CCDC191: variants seen among roughly 807,000 people sequenced by gnomAD.
The protein encoded by CCDC191 is coiled-coil domain containing 191, also known as coiled-coil domain-containing protein 191.
Under a neutral mutation model 114.0 loss-of-function variants are expected in CCDC191, and 99 were observed. That is an observed-to-expected ratio of 0.87 (90% CI 0.74 to 1.03). CCDC191 has a LOEUF of 1.03. Ranked by LOEUF, CCDC191 falls within the 50% of genes least tolerant of loss-of-function variation. The pLI is 0.00. For missense variants in CCDC191, 973 were observed against 1,087.0 expected (o/e 0.90, Z 1.47); for synonymous variants, 351 against 376.0 (o/e 0.93, Z 0.77).
intron 16 of CCDC191, among the ~76,000 whole-genome samples, chr3:113,967,218 C>CCA (rs1312704400): frequency 6.6e-6 from 1 of 152,194 alleles, no homozygotes; most frequent in Non-Finnish European, 1.5e-5. Flanking sequence ...GGGCACACTC[C>CCA]CAGTCCTTGA....
intron 3 of CCDC191, 126 bp downstream of exon 3, chr3:114,046,465 C>T: frequency 1.4e-6 from 1 of 690,472 alleles, no homozygotes. Context: ...AAAATAGTTT[C>T]AGGGGAGTAG....
At chr3:114,031,253 C>T (rs1348354604) in intron 7 of CCDC191, among the ~76,000 whole-genome samples, 1 of 152,168 alleles carries the variant, frequency 6.6e-6, no homozygotes, top group East Asian at 1.9e-4. Context: ...ATCCAGAACA[C>T]AATGGTCCTT....
At chr3:114,037,931 C>T (rs1224109522) in intron 4 of CCDC191, among the ~76,000 whole-genome samples, 1 of 152,146 alleles carries the variant, frequency 6.6e-6, no homozygotes, top group East Asian at 1.9e-4. Context: ...AAATGCAGAA[C>T]CCACAAAACA....
intron 13 of CCDC191, among the ~76,000 whole-genome samples, chr3:113,983,650 C>T (rs371524169): frequency 2.4e-4 from 36 of 152,184 alleles, no homozygotes; most frequent in African/African-American, 6.5e-4. Flanking sequence ...AGCTTTCAGA[C>T]GGCAGGGCTG....
At chr3:114,009,412 A>T (rs1398935704) in intron 9 of CCDC191, among the ~76,000 whole-genome samples, 1 of 152,134 alleles carries the variant, frequency 6.6e-6, no homozygotes, top group Non-Finnish European at 1.5e-5. Context: ...TTATTCCATA[A>T]GCTTTTTTTT....
At chr3:113,970,717 G>A (rs537001737) in intron 16 of CCDC191, among the ~76,000 whole-genome samples, 51 of 147,616 alleles carry the variant, frequency 3.5e-4, no homozygotes, top group South Asian at 2.2e-4. Context: ...ATCCCTCCCC[G>A]TCCCCCCACC....
chr3:114,036,407 TTAAA>T (rs142582249), intron 5 of CCDC191, among the ~76,000 whole-genome samples, 197 bp downstream of exon 5: 4,432 of 152,260 alleles, frequency 0.029, 87 homozygotes, highest in South Asian at 0.047. Flanking sequence ...TGGCTATTTC[TTAAA>T]TAAATTGTTT....
At chr3:114,000,064 G>A (rs2075824649) in intron 13 of CCDC191, among the ~76,000 whole-genome samples, 1 of 151,758 alleles carries the variant, frequency 6.6e-6, no homozygotes, top group South Asian at 2.1e-4. Context: ...TTGACAAGGG[G>A]TGGACTTGTG....
chr3:114,021,298 C>T (rs1361557681), intron 7 of CCDC191, among the ~76,000 whole-genome samples: 1 of 151,960 alleles, frequency 6.6e-6, no homozygotes, highest in Non-Finnish European at 1.5e-5. Flanking sequence ...GACTTTGAGA[C>T]CAAAATGATC....
At chr3:113,985,147 T>G (rs925668270) in intron 13 of CCDC191, among the ~76,000 whole-genome samples, 1 of 152,148 alleles carries the variant, frequency 6.6e-6, no homozygotes, top group Non-Finnish European at 1.5e-5. Flanking sequence ...TTGAAGGCTT[T>G]TCTTATAAGA....
intron 16 of CCDC191, among the ~76,000 whole-genome samples, chr3:113,973,069 G>C (rs1279643637): frequency 6.6e-6 from 1 of 152,098 alleles, no homozygotes; most frequent in African/African-American, 2.4e-5. Flanking sequence ...TGATAAGTAA[G>C]GACTTACTAT....
chr3:114,005,210 A>T (rs574362676), intron 10 of CCDC191, among the ~76,000 whole-genome samples: 67 of 152,288 alleles, frequency 4.4e-4, no homozygotes, highest in South Asian at 1.0e-3. Flanking sequence ...AGCACTTAAC[A>T]TAGCTAGAAA....
chr3:114,001,875 GT>G (rs1196170271), intron 12 of CCDC191, 179 bp from the exon 13 acceptor site: 7 of 657,450 alleles, frequency 1.1e-5, no homozygotes, highest in Non-Finnish European at 1.7e-5. Flanking sequence ...TAACTTAAAA[GT>G]TTCTCCAAAA....
At chr3:113,980,418 C>G (rs189472631) in intron 14 of CCDC191, among the ~76,000 whole-genome samples, 1 of 152,298 alleles carries the variant, frequency 6.6e-6, no homozygotes, top group East Asian at 1.9e-4. Flanking sequence ...TTGGGGGGAT[C>G]TCTAATAAAA....
At chr3:114,053,754 A>T (rs542929055) in intron 1 of CCDC191, 119 bp from the exon 2 acceptor site, 1 of 571,484 alleles carries the variant, frequency 1.7e-6, no homozygotes, top group Non-Finnish European at 3.0e-6. Flanking sequence ...TCCCCAAAGC[A>T]TTTCATTAGA....
At chr3:114,019,674 G>A (rs1406028985) in intron 7 of CCDC191, among the ~76,000 whole-genome samples, 2 of 152,014 alleles carry the variant, frequency 1.3e-5, no homozygotes, top group East Asian at 1.9e-4. Flanking sequence ...TTCATATTAC[G>A]TTGGTGCAAA....
intron 16 of CCDC191, 113 bp downstream of exon 16, chr3:113,978,073 T>C: frequency 8.3e-7 from 1 of 1,207,244 alleles, no homozygotes; most frequent in South Asian, 1.4e-5. Context: ...GACTGGTGTT[T>C]CCCCGCTCTC....
At chr3:114,052,753 C>A (rs952705144) in intron 2 of CCDC191, among the ~76,000 whole-genome samples, 1 of 152,162 alleles carries the variant, frequency 6.6e-6, no homozygotes, top group African/African-American at 2.4e-5. Context: ...TAAATAAATG[C>A]TTAAAAATTA....
In CCDC191 at chr3:113,965,275, CT is replaced by C. The variant is rs1940000907; in HGVS notation, c.2690del (p.Gln897ArgfsTer7). The C allele has an allele frequency of 6.2e-7, 1 of 1,612,582 alleles. No individual in the cohort carries two copies. The highest frequency in any genetic ancestry group is 1.1e-5 in the South Asian group (1 of 90,830). ...TTTCAACTACCTTCCTACGAAGTTG[CT>C]GTCGCCTTTCTTCTTTTACTCTTTC... ...KEERVKEERR[Q>X]QLRRKVVEIL... On this transcript the variant is annotated frameshift_variant, in exon 17 of 17. Transcript: ENST00000295878. LOFTEE classifies it low-confidence loss of function (END_TRUNC).
Sources: gnomAD v4.1 joint callset for allele counts (sites outside exome capture counted in the v4.1 genomes callset) on GRCh38, gnomAD v4.1.1 for gene constraint, MANE v1.5 for transcripts, NCBI Gene and HGNC (gene_info 2026-07-23, HGNC 2026-07-21) for gene names.